Variants in PPP1R16B observed in about 807,000 individuals in gnomAD.
PPP1R16B encodes protein phosphatase 1 regulatory inhibitor subunit 16B.
A neutral mutation model predicts 61.7 loss-of-function variants in PPP1R16B; 14 were observed. The ratio of observed to expected loss-of-function variants is 0.23; its 90% confidence interval spans 0.15 to 0.35. The LOEUF is 0.35. PPP1R16B is among the 10% of genes least tolerant of loss of function. PPP1R16B has a pLI of 1.00. For missense variants in PPP1R16B, 547 were observed against 752.5 expected (o/e 0.73, Z 3.19); for synonymous variants, 266 against 305.3 (o/e 0.87, Z 1.34).
At position 38,906,075 on chromosome 20, in the gene PPP1R16B, C is replaced by T. The variant is rs2085439309; in HGVS notation, c.803C>T (p.Ala268Val). 1.9e-6 allele frequency: 3 copies of T among 1,613,178 alleles called. No homozygotes were observed. Among genetic ancestry groups the T allele is most frequent in the Non-Finnish European group, 2.5e-6 (3 of 1,179,878 alleles). The change falls in exon 7 of 11, where the codon GCA (alanine) becomes GTA (valine). Residue 268 changes from alanine to valine, a missense_variant. Transcript: ENST00000299824. The part of the protein sequence containing the change: ...KDWDGWEPLH[A>V]AAFWGQMQMA... ...TGGGATGGCTGGGAGCCCCTGCATG[C>T]AGCTGCCTTCTGGGGACAGGTAGTT...
At chr20:38,863,569 G>A (rs2085069525) in intron 2 of PPP1R16B, among the ~76,000 whole-genome samples, 1 of 152,314 alleles carries the variant, frequency 6.6e-6, no homozygotes, top group East Asian at 1.9e-4. Flanking sequence ...TGGCTCCTCT[G>A]TACAGCAGCT....
Position 38,920,418 on chromosome 20 carries a change from G to A in PPP1R16B, c.*1752G>A, listed in dbSNP as rs116314179. 1,941 of 152,764 alleles carry A rather than the reference G, an allele frequency of 0.013. 42 individuals are homozygous for A. The highest frequency in any genetic ancestry group is 0.044 in the African/African-American group (1,838 of 41,550). The allele number at this position is 152,764 out of a possible 1,614,324, so 9.5% of individuals were successfully genotyped here. On this transcript the variant is annotated 3_prime_UTR_variant, in exon 11 of 11. Coordinates refer to ENST00000299824, the MANE Select transcript of PPP1R16B (RefSeq NM_015568.4). ...TTCTTTCTCAGTCTATGAGAAACTT[G>A]CCCTGAGGGGCACCTGGGCTAGGGG...
chr20:38,854,346 C>A (rs1470685880), intron 2 of PPP1R16B, among the ~76,000 whole-genome samples: 1 of 152,214 alleles, frequency 6.6e-6, no homozygotes, highest in Non-Finnish European at 1.5e-5. Flanking sequence ...ATAGACACAA[C>A]AGTGATTTAT....
At chr20:38,811,623 T>C (rs2084701223) in intron 1 of PPP1R16B, among the ~76,000 whole-genome samples, 2 of 152,360 alleles carry the variant, frequency 1.3e-5, no homozygotes, top group Admixed American at 6.5e-5. Context: ...ATTACTCTTT[T>C]AGTCTTCTGT....
chr20:38,850,294 G>C (rs1038102350), intron 2 of PPP1R16B, among the ~76,000 whole-genome samples: 3 of 152,104 alleles, frequency 2.0e-5, no homozygotes, highest in African/African-American at 7.2e-5. Context: ...CCCACTCCTG[G>C]AGTCTGCTTC....
intron 4 of PPP1R16B, among the ~76,000 whole-genome samples, chr20:38,897,086 C>T (rs2085355671): frequency 2.6e-5 from 4 of 152,156 alleles, no homozygotes; most frequent in Admixed American, 6.5e-5. Flanking sequence ...GCGGAGTTTG[C>T]GATGAGCTGA....
intron 1 of PPP1R16B, among the ~76,000 whole-genome samples, chr20:38,818,755 T>C (rs987648550): frequency 5.4e-4 from 74 of 135,990 alleles, no homozygotes; most frequent in African/African-American, 1.9e-3. Flanking sequence ...GATTGTCCTC[T>C]TTTTTTTTTT....
Position 38,918,023 on chromosome 20 carries a change from C to T in PPP1R16B, c.1195-134C>T, listed in dbSNP as rs960647744. ...AGATTGGGGGTTCCCCAAAGGAAAACCCTGGCCCCGATACCCAGGGAGAGA... is the reference window on the plus strand; with the variant it reads ...AGATTGGGGGTTCCCCAAAGGAAAATCCTGGCCCCGATACCCAGGGAGAGA... On this transcript the variant is annotated intron_variant, in intron 10 of 10. Transcript: ENST00000299824. This position sits in a 1 kb window ranked among gnomAD's most constrained non-coding sequence, Gnocchi z 5.3. The T allele has an allele frequency of 3.2e-5, 40 of 1,256,826 alleles. No homozygotes were observed. Among genetic ancestry groups the T allele is most frequent in the Non-Finnish European group, 4.2e-5 (38 of 905,954 alleles). The allele number at this position is 1,256,826 out of a possible 1,614,324, so 77.9% of individuals were successfully genotyped here. A position where few individuals can be genotyped will look rare whatever the true frequency, so the allele number is the denominator to read the frequency against.
At chr20:38,850,989 G>A (rs1223184096) in intron 2 of PPP1R16B, among the ~76,000 whole-genome samples, 2 of 147,340 alleles carry the variant, frequency 1.4e-5, no homozygotes, top group African/African-American at 5.0e-5. Flanking sequence ...AAAAATTGTT[G>A]AATAGGTCAT....
At chr20:38,809,930 A>G (rs539534832) in intron 1 of PPP1R16B, among the ~76,000 whole-genome samples, 2 of 134,216 alleles carry the variant, frequency 1.5e-5, no homozygotes, top group African/African-American at 2.7e-5. Context: ...CCTGTGAGCC[A>G]TGATTGCGTG....
rs573354493 is a variant in PPP1R16B, at chr20:38,847,504, C to G, written c.250+11329C>G. ...CCCGAGTAGCTAAGATTACAGGTAC[C>G]CACCACCACACCCGGGTAATTTTTG... On this transcript the variant is annotated intron_variant, in intron 2 of 10. Transcript: ENST00000299824. Among the ~76,000 whole-genome samples, 4 of 152,178 alleles carry G rather than the reference C, an allele frequency of 2.6e-5. No homozygotes were observed. The East Asian group carries it at 7.7e-4, about 29-fold the overall frequency.
rs1259108186 is a variant in PPP1R16B at position 38,806,629 on chromosome 20, C to G, written c.-102+837C>G. ...GGTCACCCGGAGTGCCCAGGCTGAG[C>G]TGCCCAGACCGCCCCGGGTGGAGAG... is the stretch of plus-strand genomic sequence containing the variant. On this transcript the variant is annotated intron_variant, in intron 1 of 10. Coordinates refer to ENST00000299824, the MANE Select transcript of PPP1R16B (RefSeq NM_015568.4). The surrounding 1 kb of genome is among the most constrained non-coding windows in gnomAD (Gnocchi z 4.5). Among the ~76,000 whole-genome samples the G allele has an allele frequency of 1.3e-5, 2 of 152,180 alleles. No homozygotes were observed. Among genetic ancestry groups the G allele is most frequent in the Non-Finnish European group, 2.9e-5 (2 of 68,020 alleles).
rs1000820077 is a variant in PPP1R16B at position 38,847,042 on chromosome 20, G to A, written c.250+10867G>A. ...ATAAAATAAAAATAAAAAGTATTTG[G>A]CCATAGCTTTGATTATTTACTAGGT... On this transcript the variant is annotated intron_variant, in intron 2 of 10. Coordinates refer to ENST00000299824, the MANE Select transcript of PPP1R16B (RefSeq NM_015568.4). Among the ~76,000 whole-genome samples, 3 of 152,116 alleles carry A rather than the reference G, an allele frequency of 2.0e-5. No individual in the cohort carries two copies. The South Asian group carries it at 6.2e-4, about 32-fold the overall frequency.
chr20:38,852,935 A>T (rs558948286), intron 2 of PPP1R16B, among the ~76,000 whole-genome samples: 1 of 151,800 alleles, frequency 6.6e-6, no homozygotes, highest in Non-Finnish European at 1.5e-5. Flanking sequence ...CACCACGCCC[A>T]GCTAATTTTT....
chr20:38,820,832 A>T (rs2084768679), intron 1 of PPP1R16B, among the ~76,000 whole-genome samples: 1 of 151,880 alleles, frequency 6.6e-6, no homozygotes, highest in African/African-American at 2.4e-5. Flanking sequence ...GGAGATCGAG[A>T]CCATCCTGGC....
chr20:38,897,061 G>A (rs575341200), intron 4 of PPP1R16B, among the ~76,000 whole-genome samples: 8 of 152,330 alleles, frequency 5.3e-5, no homozygotes, highest in South Asian at 2.1e-4. Context: ...CAGGAGAATC[G>A]CTTGAACCCA....
At chr20:38,864,633 C>T (rs79176887) in intron 2 of PPP1R16B, among the ~76,000 whole-genome samples, 1 of 152,152 alleles carries the variant, frequency 6.6e-6, no homozygotes, top group Non-Finnish European at 1.5e-5. Flanking sequence ...AGCTGCCCCC[C>T]ACTGCAACCA....
At chr20:38,875,512 C>A (rs2085159321) in intron 2 of PPP1R16B, among the ~76,000 whole-genome samples, 1 of 152,240 alleles carries the variant, frequency 6.6e-6, no homozygotes, top group Admixed American at 6.5e-5. Context: ...GTCAGCATAC[C>A]TTGCAGGAGC....
At chr20:38,859,357 T>C (rs2145735789) in intron 2 of PPP1R16B, among the ~76,000 whole-genome samples, 1 of 151,972 alleles carries the variant, frequency 6.6e-6, no homozygotes, top group Admixed American at 6.6e-5. Context: ...TGGTGGTGGT[T>C]GCAACTCTGT....
Sources: gnomAD v4.1 joint callset for allele counts (sites outside exome capture counted in the v4.1 genomes callset) on GRCh38, gnomAD v4.1.1 for gene constraint, Gnocchi (gnomAD v3.1) non-coding constraint, MANE v1.5 for transcripts, NCBI Gene and HGNC (gene_info 2026-07-23, HGNC 2026-07-21) for gene names.